Variants in MOXD1 observed in about 807,000 individuals in gnomAD.
MOXD1 encodes the protein DBH-like monooxygenase protein 1.
In MOXD1, 62 loss-of-function variants were observed where a neutral mutation model predicts 66.6. The ratio of observed to expected loss-of-function variants is 0.93; its 90% CI spans 0.76 to 1.15. The LOEUF (loss-of-function observed/expected upper bound fraction) is 1.15, where lower values mean the gene tolerates loss of function less well. Among genes scored for constraint, MOXD1 ranks in the 50% most tolerant of loss-of-function variants. MOXD1 has a pLI of 0.00. For missense variants in MOXD1, 847 were observed against 754.6 expected (o/e 1.12, Z -1.44); for synonymous variants, 303 against 281.9 (o/e 1.07, Z -0.75).
rs554320877 is a variant in MOXD1 at position 132,347,399 on chromosome 6, G to A, written c.664-18805C>T. 2.4e-3 allele frequency among the ~76,000 whole-genome samples: 358 copies of A among 152,260 alleles called. 1 individual carries two copies. Among genetic ancestry groups the A allele is most frequent in the African/African-American group, 7.8e-3 (326 of 41,540 alleles). ...ACTGTTTCAAAATGTCATTTGGGCT[G>A]GGTGTAGTGGCTCACATCTGTAATC... On this transcript the variant is annotated intron_variant, in intron 4 of 11. Transcript: ENST00000367963.
chr6:132,333,097 G>T (rs544332614), intron 4 of MOXD1, among the ~76,000 whole-genome samples: 1 of 152,250 alleles, frequency 6.6e-6, no homozygotes, highest in East Asian at 1.9e-4. Flanking sequence ...AGCACTTTGG[G>T]AGGCCGAGGC....
At position 132,328,563 on chromosome 6, in the gene MOXD1, C is replaced by T. The variant is rs767182901; in HGVS notation, c.695G>A (p.Ser232Asn). 5 of 1,614,060 alleles carry T rather than the reference C, an allele frequency of 3.1e-6. No homozygotes were observed. The East Asian group carries it at 1.1e-4, about 36-fold the overall frequency. The change falls in exon 5 of 12, where the codon AGT (serine) becomes AAT (asparagine). Residue 232 changes from serine (S) to asparagine (N), a missense_variant. Coordinates refer to ENST00000367963, the MANE Select transcript of MOXD1 (RefSeq NM_015529.4). ...VEPVIQRGHE[S>N]LVHHILLYQC... ...ATAGAGCAGGATGTGGTGCACCAGA[C>T]TCTCATGGCCTCTCTGTATCACTGG...
intron 10 of MOXD1, among the ~76,000 whole-genome samples, chr6:132,304,664 T>C (rs963534029): frequency 5.3e-5 from 8 of 152,320 alleles, no homozygotes; most frequent in Middle Eastern, 3.4e-3. Context: ...TAACTTGTTG[T>C]GTATAAGTAT....
At chr6:132,340,761 T>C (rs1286349612) in intron 4 of MOXD1, among the ~76,000 whole-genome samples, 9 of 150,020 alleles carry the variant, frequency 6.0e-5, no homozygotes, top group South Asian at 2.1e-4. Flanking sequence ...ATTCTCCTGC[T>C]TCAGCCTCTG....
At chr6:132,367,870 A>C (rs1562294760) in intron 4 of MOXD1, among the ~76,000 whole-genome samples, 1 of 152,020 alleles carries the variant, frequency 6.6e-6, no homozygotes, top group East Asian at 1.9e-4. Context: ...TGAACTATCC[A>C]TCCAGTCACG....
At chr6:132,353,689 T>C (rs995730410) in intron 4 of MOXD1, among the ~76,000 whole-genome samples, 2 of 152,196 alleles carry the variant, frequency 1.3e-5, no homozygotes, top group Non-Finnish European at 2.9e-5. Context: ...TTTGTGCTTC[T>C]TGTATTTGGA....
intron 10 of MOXD1, among the ~76,000 whole-genome samples, chr6:132,298,938 A>G (rs536708209): frequency 7.2e-5 from 11 of 152,258 alleles, no homozygotes; most frequent in African/African-American, 9.6e-5. Context: ...CCCAAAGGAA[A>G]ATAAATAGTT....
intron 4 of MOXD1, among the ~76,000 whole-genome samples, chr6:132,339,269 T>A (rs991963088): frequency 2.6e-5 from 4 of 152,142 alleles, no homozygotes; most frequent in African/African-American, 9.7e-5. Context: ...TGTTTATATA[T>A]AGTTTTAAGT....
chr6:132,392,036 G>A, intron 1 of MOXD1: 1 of 734,736 alleles, frequency 1.4e-6, no homozygotes, highest in Non-Finnish European at 2.1e-6. Context: ...TCTTAACAAA[G>A]CACCAGCTGA....
intron 4 of MOXD1, among the ~76,000 whole-genome samples, chr6:132,350,937 C>G (rs981926206): frequency 1.6e-4 from 24 of 152,058 alleles, no homozygotes; most frequent in African/African-American, 5.3e-4. Context: ...TGATTTGATT[C>G]TCTGCTTGGT....
intron 4 of MOXD1, among the ~76,000 whole-genome samples, chr6:132,365,993 A>G (rs1179921979): frequency 6.6e-6 from 1 of 152,198 alleles, no homozygotes; most frequent in Non-Finnish European, 1.5e-5. Flanking sequence ...ACATTGTAAC[A>G]CAAATTATTA....
intron 10 of MOXD1, among the ~76,000 whole-genome samples, chr6:132,308,185 G>A (rs1774741180): frequency 6.6e-6 from 1 of 151,556 alleles, no homozygotes; most frequent in South Asian, 2.1e-4. Flanking sequence ...AAATGACAAA[G>A]GGGATGTCAC....
intron 2 of MOXD1, among the ~76,000 whole-genome samples, chr6:132,373,443 A>C (rs1193056306): frequency 6.6e-6 from 1 of 152,246 alleles, no homozygotes; most frequent in African/African-American, 2.4e-5. Context: ...ATTACCTAAT[A>C]CTTTTCCTTT....
chr6:132,400,687 C>A (rs999406085), intron 1 of MOXD1, among the ~76,000 whole-genome samples: 18 of 152,182 alleles, frequency 1.2e-4, no homozygotes, highest in Admixed American at 9.8e-4. Flanking sequence ...ATCAGCCCCG[C>A]GCCTGGAGGC....
chr6:132,356,402 T>C (rs1775911227), intron 4 of MOXD1, among the ~76,000 whole-genome samples: 2 of 152,142 alleles, frequency 1.3e-5, no homozygotes, highest in South Asian at 2.1e-4. Context: ...TATCCAGTGC[T>C]CAAGAAGGGA....
intron 10 of MOXD1, among the ~76,000 whole-genome samples, chr6:132,305,896 G>T (rs1774678200): frequency 6.6e-6 from 1 of 152,090 alleles, no homozygotes; most frequent in Admixed American, 6.6e-5. Context: ...ACAAACTCAT[G>T]AAGATGAGAA....
chr6:132,364,574 C>T (rs1268588158), intron 4 of MOXD1, among the ~76,000 whole-genome samples: 1 of 152,144 alleles, frequency 6.6e-6, no homozygotes, highest in African/African-American at 2.4e-5. Context: ...CTAACTACCT[C>T]CAGAGCCAAT....
intron 1 of MOXD1, chr6:132,392,015 T>A (rs1364370313): frequency 1.5e-6 from 1 of 648,676 alleles, no homozygotes; most frequent in African/African-American, 1.9e-5. Flanking sequence ...ATCTGAAGAC[T>A]TATAAATATC....
intron 5 of MOXD1, 75 bp from the exon 6 acceptor site, chr6:132,328,190 A>G (rs1464687043): frequency 3.8e-6 from 5 of 1,331,986 alleles, no homozygotes; most frequent in African/African-American, 1.5e-5. Flanking sequence ...AAAACCAGCC[A>G]TCTTCAAGGA....
Sources: gnomAD v4.1 joint callset for allele counts (sites outside exome capture counted in the v4.1 genomes callset) on GRCh38, gnomAD v4.1.1 for gene constraint, MANE v1.5 for transcripts, NCBI Gene and HGNC (gene_info 2026-07-23, HGNC 2026-07-21) for gene names.